Variants in BIRC6 observed in about 807,000 individuals in gnomAD.
The protein encoded by BIRC6 is baculoviral IAP repeat containing 6, also known as dual E2 ubiquitin-conjugating enzyme/E3 ubiquitin-protein ligase BIRC6.
A neutral mutation model predicts 503.3 loss-of-function variants in BIRC6; 98 were observed. That is an observed-to-expected ratio of 0.19 (90% CI 0.17 to 0.23). BIRC6 has a LOEUF of 0.23. Ranked by LOEUF, BIRC6 falls within the 10% of genes least tolerant of loss-of-function variation. BIRC6 has a pLI of 1.00. For synonymous variants in BIRC6, 2,240 were observed against 2,078.7 expected (o/e 1.08, Z -2.11); for missense variants, 5,360 against 5,806.0 (o/e 0.92, Z 2.50).
chr2:32,380,419 G>A (rs1330204931), intron 3 of BIRC6, 129 bp downstream of exon 3: 2 of 1,250,840 alleles, frequency 1.6e-6, no homozygotes, highest in Admixed American at 3.6e-5. Context: ...AGCAGAATGT[G>A]CTTATAAGTC....
At chr2:32,542,657 AG>A (rs1414352754) in intron 61 of BIRC6, among the ~76,000 whole-genome samples, 1 of 152,218 alleles carries the variant, frequency 6.6e-6, no homozygotes, top group African/African-American at 2.4e-5. Context: ...AAGTTTGGTG[AG>A]AAATAAGATG....
At chr2:32,501,613 C>T in intron 46 of BIRC6, 100 bp from the exon 47 acceptor site, 1 of 948,664 alleles carries the variant, frequency 1.1e-6, no homozygotes, top group Non-Finnish European at 1.5e-6. Flanking sequence ...TCAGGTGATC[C>T]ACCTGCCTCG....
intron 6 of BIRC6, among the ~76,000 whole-genome samples, chr2:32,399,824 G>A (rs1236012319): frequency 2.6e-5 from 4 of 152,046 alleles, no homozygotes; most frequent in Middle Eastern, 3.4e-3. Flanking sequence ...GTCTTGCTCT[G>A]TTGCTCAGGC....
chr2:32,461,073 C>CTCTTCTCTTCTCT (rs1558790099), intron 23 of BIRC6, among the ~76,000 whole-genome samples: 5 of 4,460 alleles, frequency 1.1e-3, no homozygotes, highest in African/African-American at 2.4e-3. Context: ...TTCTGTTCTC[C>CTCTTCTCTTCTCT]TCTCCTCTCC....
chr2:32,613,668 A>G (rs1174238140), intron 73 of BIRC6, among the ~76,000 whole-genome samples: 1 of 152,106 alleles, frequency 6.6e-6, no homozygotes, highest in African/African-American at 2.4e-5. Context: ...CTGATAGACT[A>G]TTAGATCATT....
chr2:32,510,447 A>G, intron 52 of BIRC6, 79 bp from the exon 53 acceptor site: 1 of 841,666 alleles, frequency 1.2e-6, no homozygotes, highest in Non-Finnish European at 2.0e-6. Context: ...TTAATGAATA[A>G]CTTAATTCAA....
At chr2:32,422,242 T>G (rs1402716536) in intron 10 of BIRC6, among the ~76,000 whole-genome samples, 1 of 152,242 alleles carries the variant, frequency 6.6e-6, no homozygotes, top group Non-Finnish European at 1.5e-5. Flanking sequence ...TTGGATAACC[T>G]GTACCTTTTA....
At chr2:32,458,812 A>G (rs1395707187) in intron 23 of BIRC6, among the ~76,000 whole-genome samples, 1 of 148,828 alleles carries the variant, frequency 6.7e-6, no homozygotes, top group Non-Finnish European at 1.5e-5. Flanking sequence ...TTCCACCTCA[A>G]CCTCTTGATA....
chr2:32,471,501 T>G (rs2049095592), intron 32 of BIRC6, among the ~76,000 whole-genome samples: 13 of 152,208 alleles, frequency 8.5e-5, no homozygotes. Flanking sequence ...TTTAGCATTA[T>G]TGGTATCTAC....
chr2:32,531,628 G>A (rs2056761846), intron 61 of BIRC6, 77 bp downstream of exon 61: 3 of 1,259,974 alleles, frequency 2.4e-6, no homozygotes, highest in Non-Finnish European at 3.3e-6. Flanking sequence ...GTTTTTTAAT[G>A]TACTTGGATT....
At chr2:32,384,299 G>T in intron 3 of BIRC6, among the ~76,000 whole-genome samples, 1 of 152,154 alleles carries the variant, frequency 6.6e-6, no homozygotes, top group East Asian at 1.9e-4. Context: ...CGTTGAAAAT[G>T]AGTCTTTAGT....
At position 32,442,097 on chromosome 2, in the gene BIRC6, A is replaced by G; in HGVS notation, c.3977A>G (p.Glu1326Gly). Residue 1326 changes from glutamate to glycine, a missense_variant, in exon 18 of 74, where the codon GAA becomes GGA. Around this residue, in one of 16 missense-constraint regions of BIRC6, gnomAD observed 2,299 missense variants for 2,267.2 expected, o/e 1.01. Transcript: ENST00000421745. Reference sequence around the variant, plus strand: ...CGATGTGCCATGTTACAGTTTTCAGAATTTCATGAGAAGCTTCTTAATACT... The same window carrying G: ...CGATGTGCCATGTTACAGTTTTCAGGATTTCATGAGAAGCTTCTTAATACT... ...VQRCAMLQFS[E>G]FHEKLLNTLC... 6.3e-7 allele frequency: 1 copy of G among 1,593,762 alleles called. No individual in the cohort carries two copies. The highest frequency in any genetic ancestry group is 8.5e-7 in the Non-Finnish European group (1 of 1,174,208).
chr2:32,611,389 C>T (rs2062865297), intron 72 of BIRC6, 59 bp from the exon 73 acceptor site: 2 of 1,437,694 alleles, frequency 1.4e-6, no homozygotes, highest in Admixed American at 3.9e-5. Flanking sequence ...ATGTCATTTA[C>T]TGTGTCTTTT....
intron 66 of BIRC6, among the ~76,000 whole-genome samples, chr2:32,587,280 G>T (rs950478052): frequency 1.3e-5 from 2 of 152,028 alleles, no homozygotes; most frequent in South Asian, 4.2e-4. Context: ...CCAGCTACTC[G>T]GGAGGCTGAG....
intron 1 of BIRC6, among the ~76,000 whole-genome samples, chr2:32,376,655 G>C (rs2036827606): frequency 6.6e-6 from 1 of 151,970 alleles, no homozygotes; most frequent in Non-Finnish European, 1.5e-5. Flanking sequence ...TTTTTTCAAT[G>C]TATGAATTGG....
chr2:32,376,257 C>T lies in BIRC6; in HGVS notation c.326-1331C>T, dbSNP rs555601356. Among the ~76,000 whole-genome samples, 218 of 150,258 alleles carry T rather than the reference C, an allele frequency of 1.5e-3. 1 individual carries two copies. The highest frequency in any genetic ancestry group is 3.2e-3 in the South Asian group (15 of 4,738). On this transcript the variant is annotated intron_variant, in intron 1 of 73. Transcript: ENST00000421745. ...ACTTTTTACTGCGATTACCAATTAA[C>T]AATTGAGAGATGAACTGCTCACCTG...
chr2:32,450,350 GC>G (rs2046560724), intron 22 of BIRC6, among the ~76,000 whole-genome samples: 1 of 152,044 alleles, frequency 6.6e-6, no homozygotes, highest in East Asian at 1.9e-4. Context: ...GCGGTGATGG[GC>G]ACCTGTAGGC....
At chr2:32,472,989 C>A in intron 32 of BIRC6, 123 bp from the exon 33 acceptor site, 1 of 769,578 alleles carries the variant, frequency 1.3e-6, no homozygotes, top group Non-Finnish European at 2.0e-6. Context: ...CAATGTTTTT[C>A]TTATTAAAAC....
intron 73 of BIRC6, among the ~76,000 whole-genome samples, chr2:32,614,184 T>C: frequency 6.6e-6 from 1 of 152,204 alleles, no homozygotes; most frequent in East Asian, 1.9e-4. Context: ...TGGTCAGTAC[T>C]AGGTCCTGTC....
Sources: allele counts gnomAD v4.1 joint callset (sites outside exome capture counted in the v4.1 genomes callset), GRCh38; gene constraint gnomAD v4.1.1; regional missense constraint gnomAD v4.1.1; transcripts MANE v1.5; gene names NCBI Gene and HGNC (gene_info 2026-07-23, HGNC 2026-07-21).